Variants in IL1RAPL1 observed in about 807,000 individuals in gnomAD.
IL1RAPL1 encodes the protein interleukin-1 receptor accessory protein-like 1.
IL1RAPL1 carries 3 observed loss-of-function variants against 48.4 expected under a neutral mutation model. The ratio of observed to expected loss-of-function variants is 0.06; its 90% CI spans 0.03 to 0.16. The LOEUF is 0.16. Ranked by LOEUF, IL1RAPL1 falls within the 10% of genes least tolerant of loss-of-function variation. The probability of loss-of-function intolerance (pLI) is 1.00; values close to 1 mark genes in which losing one functional copy is unlikely to be tolerated. For synonymous variants in IL1RAPL1, 185 were observed against 187.7 expected (o/e 0.99, Z 0.12); for missense variants, 349 against 530.6 (o/e 0.66, Z 3.36).
intron 2 of IL1RAPL1, among the ~76,000 whole-genome samples, chrX:28,792,291 T>C (rs1387215294): frequency 9.0e-6 from 1 of 111,494 alleles, no homozygotes; most frequent in Non-Finnish European, 1.9e-5. Flanking sequence ...CAGAGAAATA[T>C]TGATTTTTAA....
intron 2 of IL1RAPL1, among the ~76,000 whole-genome samples, chrX:29,200,736 AT>A (rs1448407016): frequency 1.8e-5 from 2 of 112,168 alleles, no homozygotes; most frequent in Non-Finnish European, 3.8e-5. Flanking sequence ...CTTAAGACAT[AT>A]TTATATTATT....
chrX:28,972,919 G>A (rs1055663883), intron 2 of IL1RAPL1, among the ~76,000 whole-genome samples: 5 of 110,824 alleles, frequency 4.5e-5, no homozygotes, highest in African/African-American at 6.6e-5. Flanking sequence ...TTACCCACCC[G>A]CCATGATTTA....
intron 3 of IL1RAPL1, among the ~76,000 whole-genome samples, chrX:29,330,578 TTC>T (rs200026219): frequency 0.43 from 47,177 of 110,031 alleles, 8,341 homozygotes; most frequent in Non-Finnish European, 0.55. Context: ...TAAGTGTTCT[TTC>T]TCTTTGTCTC....
intron 2 of IL1RAPL1, among the ~76,000 whole-genome samples, chrX:28,847,421 A>G (rs1371436131): frequency 3.6e-5 from 4 of 110,970 alleles, no homozygotes; most frequent in Non-Finnish European, 7.6e-5. Context: ...TCACTTACCA[A>G]TTGTATGATA....
intron 2 of IL1RAPL1, among the ~76,000 whole-genome samples, chrX:29,173,431 A>G (rs964950441): frequency 2.7e-5 from 3 of 111,971 alleles, no homozygotes; most frequent in East Asian, 5.6e-4. Flanking sequence ...TAGCTACTCT[A>G]TGGTTTACTA....
chrX:28,951,433 T>G (rs1293798897), intron 2 of IL1RAPL1, among the ~76,000 whole-genome samples: 1 of 107,072 alleles, frequency 9.3e-6, no homozygotes, highest in African/African-American at 3.5e-5. Context: ...AAAAAAAAAT[T>G]GTCAACTACA....
At chrX:29,904,143 C>T (rs1010384722) in intron 6 of IL1RAPL1, among the ~76,000 whole-genome samples, 3 of 111,596 alleles carry the variant, frequency 2.7e-5, no homozygotes, top group Admixed American at 9.6e-5. Flanking sequence ...ACTTGTGTAT[C>T]AGAGATGAGA....
intron 1 of IL1RAPL1, among the ~76,000 whole-genome samples, chrX:28,596,801 A>T (rs1315864244): frequency 9.0e-6 from 1 of 111,350 alleles, no homozygotes; most frequent in Non-Finnish European, 1.9e-5. Context: ...AATTGTTTTT[A>T]AAAAATATTC....
chrX:28,954,301 A>G (rs774448584), intron 2 of IL1RAPL1, among the ~76,000 whole-genome samples: 41 of 111,502 alleles, frequency 3.7e-4, no homozygotes, highest in Non-Finnish European at 6.1e-4. Context: ...CATGTGGGTC[A>G]GAAAACAAGG....
intron 5 of IL1RAPL1, among the ~76,000 whole-genome samples, chrX:29,492,069 C>A (rs1935164522): frequency 8.9e-6 from 1 of 112,002 alleles, no homozygotes; most frequent in Non-Finnish European, 1.9e-5. Flanking sequence ...TTTGTAGTTT[C>A]TTATCCTAAT....
At chrX:29,120,662 T>C (rs1461859477) in intron 2 of IL1RAPL1, among the ~76,000 whole-genome samples, 1 of 111,623 alleles carries the variant, frequency 9.0e-6, no homozygotes, top group Admixed American at 9.6e-5. Context: ...GAGTAGTTTT[T>C]TTTTCTAAAA....
intron 1 of IL1RAPL1, among the ~76,000 whole-genome samples, chrX:28,713,821 A>G (rs1935470371): frequency 8.9e-6 from 1 of 111,839 alleles, no homozygotes; most frequent in Admixed American, 9.5e-5. Flanking sequence ...TGACAAAAAA[A>G]GGTCTGTGAG....
chrX:28,974,421 T>C (rs763005642), intron 2 of IL1RAPL1, among the ~76,000 whole-genome samples: 2 of 112,016 alleles, frequency 1.8e-5, no homozygotes, highest in East Asian at 5.6e-4. Flanking sequence ...GAAGTTATTG[T>C]CATGACTTTC....
At chrX:29,860,462 C>T (rs1210964814) in intron 6 of IL1RAPL1, among the ~76,000 whole-genome samples, 1 of 110,961 alleles carries the variant, frequency 9.0e-6, no homozygotes, top group Non-Finnish European at 1.9e-5. Context: ...CTGCACCCAT[C>T]AACCTGTCAT....
At chrX:29,348,298 G>T (rs1026100240) in intron 3 of IL1RAPL1, among the ~76,000 whole-genome samples, 1 of 112,027 alleles carries the variant, frequency 8.9e-6, no homozygotes, top group African/African-American at 3.2e-5. Flanking sequence ...CAGGTAAGGG[G>T]TTAATATTAC....
chrX:29,312,524 C>A (rs769815307), intron 3 of IL1RAPL1, among the ~76,000 whole-genome samples: 1 of 112,201 alleles, frequency 8.9e-6, no homozygotes, highest in Non-Finnish European at 1.9e-5. Context: ...CCTTGAATCA[C>A]AACTATGCCT....
intron 6 of IL1RAPL1, among the ~76,000 whole-genome samples, chrX:29,717,043 T>A (rs1403203622): frequency 9.0e-6 from 1 of 111,283 alleles, no homozygotes; most frequent in Non-Finnish European, 1.9e-5. Context: ...AAGAGAAATA[T>A]AAAATCTTAA....
chrX:28,725,389 A>G (rs1935659410), intron 1 of IL1RAPL1, among the ~76,000 whole-genome samples: 1 of 112,258 alleles, frequency 8.9e-6, no homozygotes, highest in Admixed American at 9.5e-5. Context: ...ATTGCTGTAT[A>G]TCTTTCTTAT....
chrX:29,819,681 C>T lies in IL1RAPL1; in HGVS notation c.779-97783C>T, dbSNP rs141340414. Among the ~76,000 whole-genome samples, 476 of 108,710 alleles carry T rather than the reference C, an allele frequency of 4.4e-3. 16 individuals carry two copies. In the East Asian group the frequency reaches 0.092, roughly 21 times the overall value. The allele number at this position is 108,710 out of a possible 115,157, so 94.4% of individuals were successfully genotyped here. ...ACTCATTGAGATAAACTTATATTTC[C>T]GAAATGAAAAAAAAGCCATTATAAT... On this transcript the variant is annotated intron_variant, in intron 6 of 10. Transcript: ENST00000378993.
Sources: gnomAD v4.1 joint callset for allele counts (sites outside exome capture counted in the v4.1 genomes callset) on GRCh38, gnomAD v4.1.1 for gene constraint, MANE v1.5 for transcripts, NCBI Gene and HGNC (gene_info 2026-07-23, HGNC 2026-07-21) for gene names.